The following AP4S1 variants were observed in gnomAD, a reference collection of about 807,000 sequenced individuals.
AP4S1 encodes the protein AP-4 complex subunit sigma-1.
A neutral mutation model predicts 19.8 loss-of-function variants in AP4S1; 23 were observed. The ratio of observed to expected loss-of-function variants is 1.16; its 90% CI spans 0.84 to 1.65. The LOEUF (loss-of-function observed/expected upper bound fraction) is 1.65. Ranked by LOEUF, AP4S1 falls within the 40% of genes most tolerant of loss-of-function variation. AP4S1 has a pLI of 0.00. For missense variants in AP4S1, 166 were observed against 172.8 expected, an observed-to-expected ratio of 0.96 and a Z score of 0.22; for synonymous variants, 46 against 54.1, an observed-to-expected ratio of 0.85 and a Z score of 0.66.
chr14:31,090,842 T>C (rs1347721269), intron 5 of AP4S1, among the ~76,000 whole-genome samples: 1 of 152,244 alleles, frequency 6.6e-6, no homozygotes, highest in Non-Finnish European at 1.5e-5. Flanking sequence ...TTTCAGGCCT[T>C]TGCCTCACAT....
intron 1 of AP4S1, among the ~76,000 whole-genome samples, chr14:31,046,996 A>T (rs1885449372): frequency 6.6e-6 from 1 of 152,180 alleles, no homozygotes; most frequent in Non-Finnish European, 1.5e-5. Flanking sequence ...GGGTCTCCAC[A>T]TCTTAGCATT....
intron 1 of AP4S1, 165 bp downstream of exon 1, chr14:31,025,952 C>G: frequency 6.3e-7 from 1 of 1,596,374 alleles, no homozygotes; most frequent in South Asian, 1.1e-5. Flanking sequence ...CCATCTCGAA[C>G]CGAGCCCACT....
intron 1 of AP4S1, among the ~76,000 whole-genome samples, chr14:31,063,899 T>C (rs1594676990): frequency 6.6e-6 from 1 of 152,236 alleles, no homozygotes; most frequent in East Asian, 1.9e-4. Flanking sequence ...TTAAAGTTCA[T>C]TTAAGAACTA....
At chr14:31,034,888 A>G (rs1211041840) in intron 1 of AP4S1, among the ~76,000 whole-genome samples, 1 of 151,846 alleles carries the variant, frequency 6.6e-6, no homozygotes, top group Non-Finnish European at 1.5e-5. Flanking sequence ...TGGCCTCCCA[A>G]AGTGCTGGGA....
chr14:31,084,741 A>G, intron 5 of AP4S1: 1 of 1,613,908 alleles, frequency 6.2e-7, no homozygotes, highest in South Asian at 1.1e-5. Context: ...AAGACTTCAA[A>G]TTTTATGAAT....
intron 1 of AP4S1, chr14:31,032,876 T>C (rs1884488297): frequency 6.6e-6 from 1 of 152,186 alleles, no homozygotes; most frequent in South Asian, 2.1e-4. Flanking sequence ...CTGGCATCCT[T>C]CTACCAAAGA....
Position 31,084,989 on chromosome 14 carries a change from C to T in AP4S1, c.306+4405C>T, listed in dbSNP as rs558189943. The stretch of plus-strand genomic sequence containing the variant: ...CGCGTGAAGGTACAGAAAACCTCCA[C>T]GGCCTTTTCAGTATTTGGTGCCTTT... On this transcript the variant is annotated intron_variant, in intron 5 of 5. Coordinates refer to ENST00000542754, the MANE Select transcript of AP4S1 (RefSeq NM_001128126.3). The T allele has an allele frequency of 7.1e-4, 1,108 of 1,556,586 alleles. 5 individuals carry two copies. The highest frequency in any genetic ancestry group is 5.1e-4 in the East Asian group (22 of 43,232).
rs1277213385 is a variant in AP4S1 at position 31,042,991 on chromosome 14, CG to C, written c.-72+17207del. 4.6e-5 allele frequency among the ~76,000 whole-genome samples: 7 copies of C among 152,218 alleles called. No individual in the cohort carries two copies. The East Asian group carries it at 1.2e-3, about 25-fold the overall frequency. ...ATCCCAGCACTTTGGGAAGCCCAGGCGGGTGGATCACCTGAGGCCAGAAGCT... is the reference window on the plus strand; with the variant it reads ...ATCCCAGCACTTTGGGAAGCCCAGGCGGTGGATCACCTGAGGCCAGAAGCT... On this transcript the variant is annotated intron_variant, in intron 1 of 5. Coordinates refer to ENST00000542754, the MANE Select transcript of AP4S1 (RefSeq NM_001128126.3).
At chr14:31,040,491 A>G (rs1266057165) in intron 1 of AP4S1, among the ~76,000 whole-genome samples, 1 of 152,200 alleles carries the variant, frequency 6.6e-6, no homozygotes, top group Non-Finnish European at 1.5e-5. Context: ...TAAAATCTGT[A>G]ACATTGCACT....
At chr14:31,084,006 T>G (rs903052922) in intron 5 of AP4S1, among the ~76,000 whole-genome samples, 2 of 152,174 alleles carry the variant, frequency 1.3e-5, no homozygotes, top group Non-Finnish European at 1.5e-5. Flanking sequence ...TGTGGTAGCA[T>G]GTAGCCAGGC....
intron 1 of AP4S1, among the ~76,000 whole-genome samples, chr14:31,028,350 G>A (rs1394628135): frequency 6.6e-6 from 1 of 151,782 alleles, no homozygotes; most frequent in Non-Finnish European, 1.5e-5. Flanking sequence ...GCTAATTTTT[G>A]TATTTTTTGT....
intron 1 of AP4S1, among the ~76,000 whole-genome samples, chr14:31,051,405 T>C (rs546870832): frequency 6.6e-6 from 1 of 152,330 alleles, no homozygotes; most frequent in South Asian, 2.1e-4. Flanking sequence ...GCACTGTGGC[T>C]CACGCCTGTA....
At chr14:31,092,521 G>A (rs1322854080) in intron 5 of AP4S1, among the ~76,000 whole-genome samples, 1 of 152,164 alleles carries the variant, frequency 6.6e-6, no homozygotes, top group Non-Finnish European at 1.5e-5. Flanking sequence ...TCTGGAACGG[G>A]AGTATTCAAC....
chr14:31,056,720 G>T (rs1886140745), intron 1 of AP4S1, among the ~76,000 whole-genome samples: 1 of 152,188 alleles, frequency 6.6e-6, no homozygotes, highest in Non-Finnish European at 1.5e-5. Flanking sequence ...GTGCAGCGGT[G>T]TTAGAAAAGA....
At chr14:31,042,575 C>A (rs1338614741) in intron 1 of AP4S1, among the ~76,000 whole-genome samples, 1 of 152,162 alleles carries the variant, frequency 6.6e-6, no homozygotes, top group Admixed American at 6.6e-5. Context: ...AAAACAAGTA[C>A]TTTCAATCAA....
At chr14:31,073,433 T>C (rs1402243692) in intron 4 of AP4S1, among the ~76,000 whole-genome samples, 58 of 136,612 alleles carry the variant, frequency 4.2e-4, no homozygotes, top group Non-Finnish European at 6.8e-4. Flanking sequence ...GAGCTTGCAG[T>C]GAGCCGAGAT....
At chr14:31,060,859 T>C (rs1183142675) in intron 1 of AP4S1, among the ~76,000 whole-genome samples, 2 of 152,164 alleles carry the variant, frequency 1.3e-5, no homozygotes, top group East Asian at 1.9e-4. Context: ...TAGTGAAATA[T>C]GGAGAATCAT....
chr14:31,079,839 G>A (rs1887546646), intron 4 of AP4S1, among the ~76,000 whole-genome samples: 1 of 151,876 alleles, frequency 6.6e-6, no homozygotes, highest in Non-Finnish European at 1.5e-5. Flanking sequence ...ATACTTTCTT[G>A]AAATAAATAA....
In AP4S1 at chr14:31,030,696, G is replaced by A. The variant is rs189774310; in HGVS notation, c.-72+4909G>A. On this transcript the variant is annotated intron_variant, in intron 1 of 5. Coordinates refer to ENST00000542754, the MANE Select transcript of AP4S1 (RefSeq NM_001128126.3). ...GTACTGATTGGCTACGATTTTTCAG[G>A]TGCTCTACTGCTCCCTGCTGATCCA... Among the ~76,000 whole-genome samples, 286 of 152,030 alleles carry A rather than the reference G, an allele frequency of 1.9e-3. 2 individuals are homozygous for A. Among genetic ancestry groups the A allele is most frequent in the African/African-American group, 6.3e-3 (263 of 41,482 alleles).
Sources: allele counts gnomAD v4.1 joint callset (sites outside exome capture counted in the v4.1 genomes callset), GRCh38; gene constraint gnomAD v4.1.1; transcripts MANE v1.5; gene names NCBI Gene and HGNC (gene_info 2026-07-23, HGNC 2026-07-21).